ATP10B: variants seen among roughly 807,000 people sequenced by gnomAD.
ATP10B encodes ATPase phospholipid transporting 10B (putative).
A neutral mutation model predicts 141.2 loss-of-function variants in ATP10B; 122 were observed. The observed-to-expected ratio is 0.86, with a 90% CI of 0.75 to 1.00. The LOEUF (loss-of-function observed/expected upper bound fraction) is 1.00. Among genes scored for constraint, ATP10B ranks in the 50% least tolerant of loss-of-function variants. ATP10B has a pLI of 0.00. For missense variants in ATP10B, 1,876 were observed against 1,825.3 expected (o/e 1.03, Z -0.51); for synonymous variants, 685 against 692.0 (o/e 0.99, Z 0.16).
intron 1 of ATP10B, among the ~76,000 whole-genome samples, chr5:160,831,234 G>C (rs900834934): frequency 1.3e-5 from 2 of 151,912 alleles, no homozygotes; most frequent in Non-Finnish European, 1.5e-5. Flanking sequence ...AAACTTCTTA[G>C]CACAGTGGCT....
At chr5:160,626,477 A>C (rs2127655693) in intron 13 of ATP10B, among the ~76,000 whole-genome samples, 1 of 152,346 alleles carries the variant, frequency 6.6e-6, no homozygotes, top group African/African-American at 2.4e-5. Flanking sequence ...ATTATGAAAC[A>C]AGCGAGGCTC....
chr5:160,674,253 C>T (rs1396889867), intron 6 of ATP10B, among the ~76,000 whole-genome samples: 1 of 152,174 alleles, frequency 6.6e-6, no homozygotes, highest in Non-Finnish European at 1.5e-5. Flanking sequence ...TGCACCTCCA[C>T]CCATGAACAC....
intron 2 of ATP10B, among the ~76,000 whole-genome samples, chr5:160,784,325 A>C (rs1258464901): frequency 6.6e-6 from 1 of 152,192 alleles, no homozygotes; most frequent in African/African-American, 2.4e-5. Flanking sequence ...GTCCTTTTTA[A>C]TAGAATGAAC....
At chr5:160,812,346 T>A (rs1773238190) in intron 1 of ATP10B, among the ~76,000 whole-genome samples, 1 of 152,124 alleles carries the variant, frequency 6.6e-6, no homozygotes, top group African/African-American at 2.4e-5. Flanking sequence ...AACTATTTAA[T>A]TAAGAGACAG....
At chr5:160,864,030 G>C in the ATP10B span, among the ~76,000 whole-genome samples, 1 of 151,928 alleles carries the variant, frequency 6.6e-6, no homozygotes, top group Non-Finnish European at 1.5e-5. Context: ...AGAAGAATTG[G>C]TGCCAATCCT....
intron 6 of ATP10B, among the ~76,000 whole-genome samples, chr5:160,679,085 T>C (rs1050956787): frequency 2.6e-5 from 4 of 152,194 alleles, no homozygotes; most frequent in South Asian, 4.1e-4. Flanking sequence ...TTCATTTAGG[T>C]CATGTAGTTA....
At chr5:160,877,786 T>C in the ATP10B span, among the ~76,000 whole-genome samples, 3 of 118,674 alleles carry the variant, frequency 2.5e-5, no homozygotes, top group African/African-American at 7.8e-5. Context: ...CCATTCACAA[T>C]TGCTTCAAAG....
chr5:160,922,754 T>C, the ATP10B span, among the ~76,000 whole-genome samples: 1 of 152,222 alleles, frequency 6.6e-6, no homozygotes. Context: ...TCCTATGTAC[T>C]TGGAAGCTGC....
intron 8 of ATP10B, among the ~76,000 whole-genome samples, chr5:160,648,755 CA>C (rs1760475208): frequency 6.6e-6 from 1 of 152,102 alleles, no homozygotes; most frequent in Non-Finnish European, 1.5e-5. Context: ...TACCCAAGGT[CA>C]TACAGCTTGT....
rs530827695 is a variant in ATP10B, at chr5:160,813,524, G to C, written c.-575-27721C>G. Among the ~76,000 whole-genome samples, 53 of 152,298 alleles carry C rather than the reference G, an allele frequency of 3.5e-4. 1 individual carries two copies. Among genetic ancestry groups the C allele is most frequent in the Middle Eastern group, 6.8e-3 (2 of 294 alleles). On this transcript the variant is annotated intron_variant, in intron 1 of 25. Transcript: ENST00000327245. ...GTGGAGCTCACTGCAGCTCAAGGAGGCCTGCCTGCCTTTGTAGACTCCACT... is the reference window on the plus strand; with the variant it reads ...GTGGAGCTCACTGCAGCTCAAGGAGCCCTGCCTGCCTTTGTAGACTCCACT...
intron 18 of ATP10B, among the ~76,000 whole-genome samples, chr5:160,609,724 C>T (rs776371253): frequency 3.3e-4 from 50 of 152,154 alleles, no homozygotes; most frequent in Non-Finnish European, 3.5e-4. Context: ...TTTATTATTC[C>T]TGTGTCTACC....
chr5:160,796,317 G>C (rs183911335), intron 1 of ATP10B, among the ~76,000 whole-genome samples: 37 of 152,230 alleles, frequency 2.4e-4, no homozygotes, highest in Admixed American at 6.5e-4. Context: ...TTTAAAAAGG[G>C]CTCAATCTTG....
At chr5:160,760,899 T>TA (rs70990745) in intron 2 of ATP10B, among the ~76,000 whole-genome samples, 47,725 of 151,738 alleles carry the variant, frequency 0.31, 7,798 homozygotes, top group Non-Finnish European at 0.36. Context: ...CAGACCCACC[T>TA]ACCCTCCCCG....
intron 1 of ATP10B, among the ~76,000 whole-genome samples, chr5:160,849,407 A>G (rs1159123529): frequency 6.6e-6 from 1 of 152,182 alleles, no homozygotes; most frequent in African/African-American, 2.4e-5. Flanking sequence ...AACTATCTGC[A>G]AGGCTCCCTG....
the ATP10B span, among the ~76,000 whole-genome samples, chr5:160,919,058 T>C: frequency 6.7e-6 from 1 of 149,816 alleles, no homozygotes; most frequent in Non-Finnish European, 1.5e-5. Context: ...ACCCCGTCTC[T>C]ACTAAAAATA....
chr5:160,858,871 A>G, the ATP10B span, among the ~76,000 whole-genome samples: 4 of 151,820 alleles, frequency 2.6e-5, no homozygotes, highest in Non-Finnish European at 5.9e-5. Flanking sequence ...CTAATTTATA[A>G]TATAATTTTC....
At chr5:160,924,027 A>AG in the ATP10B span, among the ~76,000 whole-genome samples, 1 of 152,250 alleles carries the variant, frequency 6.6e-6, no homozygotes, top group African/African-American at 2.4e-5. Context: ...CAGGCTGAGT[A>AG]GTTAAGCAGC....
chr5:160,606,104 A>G (rs1366645358), intron 19 of ATP10B, among the ~76,000 whole-genome samples: 1 of 152,222 alleles, frequency 6.6e-6, no homozygotes, highest in Non-Finnish European at 1.5e-5. Flanking sequence ...CCACAATAAG[A>G]GATATGGCTG....
chr5:160,710,088 TA>T, intron 3 of ATP10B, among the ~76,000 whole-genome samples: 1 of 18,202 alleles, frequency 5.5e-5, no homozygotes, highest in Non-Finnish European at 1.0e-4. Flanking sequence ...CATGTGTCTT[TA>T]TAGCAGCATG....
Sources: allele counts gnomAD v4.1 joint callset (sites outside exome capture counted in the v4.1 genomes callset), GRCh38; gene constraint gnomAD v4.1.1; transcripts MANE v1.5; gene names NCBI Gene and HGNC (gene_info 2026-07-23, HGNC 2026-07-21).